Variants in HS3ST4 observed in about 807,000 individuals in gnomAD.
HS3ST4 encodes the protein heparan sulfate-glucosamine 3-sulfotransferase 4, also known as heparan sulfate glucosamine 3-O-sulfotransferase 4.
In HS3ST4, 17 loss-of-function variants were observed where a neutral mutation model predicts 29.2. That is an observed-to-expected ratio of 0.58 (90% confidence interval 0.40 to 0.87). HS3ST4 has a LOEUF of 0.87. Among genes scored for constraint, HS3ST4 ranks in the 40% least tolerant of loss-of-function variants. HS3ST4 has a pLI of 0.00. For synonymous variants in HS3ST4, 314 were observed against 285.7 expected (o/e 1.10, Z -1.00); for missense variants, 627 against 634.5 (o/e 0.99, Z 0.13).
chr16:26,011,009 A>G (rs947719836), intron 1 of HS3ST4, among the ~76,000 whole-genome samples: 1 of 152,192 alleles, frequency 6.6e-6, no homozygotes, highest in African/African-American at 2.4e-5. Flanking sequence ...AGTGCTCCAC[A>G]CAGTGTTCTG....
chr16:25,998,636 T>A (rs1969177687), intron 1 of HS3ST4, among the ~76,000 whole-genome samples: 1 of 152,222 alleles, frequency 6.6e-6, no homozygotes, highest in Admixed American at 6.5e-5. Context: ...TGATGAAGAT[T>A]TTATCTGTGT....
At chr16:25,730,520 T>G (rs1966564197) in intron 1 of HS3ST4, among the ~76,000 whole-genome samples, 1 of 146,362 alleles carries the variant, frequency 6.8e-6, no homozygotes, top group Non-Finnish European at 1.5e-5. Flanking sequence ...CTTCCCTCCC[T>G]CTGTCCTTCT....
chr16:25,988,652 G>A (rs901566508), intron 1 of HS3ST4, among the ~76,000 whole-genome samples: 3 of 152,130 alleles, frequency 2.0e-5, no homozygotes, highest in Admixed American at 6.5e-5. Context: ...ATGAGTGGGA[G>A]CTAAATGATG....
intron 1 of HS3ST4, among the ~76,000 whole-genome samples, chr16:25,704,981 C>T (rs1013906000): frequency 2.0e-5 from 3 of 152,074 alleles, no homozygotes; most frequent in Non-Finnish European, 4.4e-5. Context: ...TGAGGCTTGC[C>T]GAGGTGCTGG....
intron 1 of HS3ST4, among the ~76,000 whole-genome samples, chr16:25,708,153 A>C (rs571638459): frequency 2.0e-5 from 3 of 152,196 alleles, no homozygotes; most frequent in Non-Finnish European, 4.4e-5. Flanking sequence ...ACACTCAGCT[A>C]TCCCTGCTAT....
Position 26,071,316 on chromosome 16 carries a change from G to C in HS3ST4, c.735-64296G>C, listed in dbSNP as rs373245109. 1.1e-4 allele frequency among the ~76,000 whole-genome samples: 17 copies of C among 152,240 alleles called. No homozygotes were observed. The East Asian group carries it at 2.7e-3, about 24-fold the overall frequency. ...GATGGGGAAGCGGCTGTAGAAATTA[G>C]GAGTCCGTGGGTGCGGGGTTGTGGT... On this transcript the variant is annotated intron_variant, in intron 1 of 1. Coordinates refer to ENST00000331351, the MANE Select transcript of HS3ST4 (RefSeq NM_006040.3).
At chr16:25,844,164 G>A (rs1355262355) in intron 1 of HS3ST4, among the ~76,000 whole-genome samples, 1 of 152,110 alleles carries the variant, frequency 6.6e-6, no homozygotes, top group Non-Finnish European at 1.5e-5. Flanking sequence ...AAACCGTGTT[G>A]TCCCCTCCCT....
At chr16:26,129,680 AGT>A (rs2141815214) in intron 1 of HS3ST4, among the ~76,000 whole-genome samples, 1 of 152,346 alleles carries the variant, frequency 6.6e-6, no homozygotes, top group African/African-American at 2.4e-5. Flanking sequence ...ACTTAAGTTA[AGT>A]AATTTGCCAA....
intron 1 of HS3ST4, among the ~76,000 whole-genome samples, chr16:26,125,253 T>C (rs1899326259): frequency 6.6e-6 from 1 of 152,216 alleles, no homozygotes; most frequent in Non-Finnish European, 1.5e-5. Flanking sequence ...CACGGACCAG[T>C]TTTGTGGAAG....
At chr16:26,080,343 A>G (rs1305691300) in intron 1 of HS3ST4, among the ~76,000 whole-genome samples, 2 of 152,148 alleles carry the variant, frequency 1.3e-5, no homozygotes, top group South Asian at 2.1e-4. Flanking sequence ...CCATTTGTGG[A>G]ATGAACAAAT....
At chr16:25,763,960 A>G (rs1966803694) in intron 1 of HS3ST4, among the ~76,000 whole-genome samples, 1 of 152,224 alleles carries the variant, frequency 6.6e-6, no homozygotes, top group Admixed American at 6.5e-5. Context: ...TGTGGCCTGC[A>G]CTGAATTAGG....
chr16:25,724,066 G>A (rs4411501), intron 1 of HS3ST4, among the ~76,000 whole-genome samples: 131,820 of 147,870 alleles, frequency 0.89, 58,900 homozygotes, highest in Middle Eastern at 0.93. Flanking sequence ...GAGAGCCGAG[G>A]TCGTGCCATT....
intron 1 of HS3ST4, among the ~76,000 whole-genome samples, chr16:26,057,650 A>G (rs560802717): frequency 5.7e-4 from 87 of 152,328 alleles, no homozygotes; most frequent in African/African-American, 2.1e-3. Flanking sequence ...CTACTCAGGC[A>G]GGAGAATTGC....
At chr16:25,749,364 A>G (rs747058889) in intron 1 of HS3ST4, among the ~76,000 whole-genome samples, 18 of 152,024 alleles carry the variant, frequency 1.2e-4, no homozygotes, top group Non-Finnish European at 2.4e-4. Context: ...GCGTGGTGAC[A>G]TGCACCTGTA....
chr16:26,111,389 GT>G (rs1410843252), intron 1 of HS3ST4, among the ~76,000 whole-genome samples: 2 of 64,712 alleles, frequency 3.1e-5, no homozygotes, highest in Non-Finnish European at 7.6e-5. Flanking sequence ...CCAGAAGGAG[GT>G]CTTTTTTTTT....
intron 1 of HS3ST4, among the ~76,000 whole-genome samples, chr16:26,012,311 A>G (rs1969318203): frequency 6.6e-6 from 1 of 152,246 alleles, no homozygotes; most frequent in Non-Finnish European, 1.5e-5. Flanking sequence ...AATAATATCA[A>G]AAAGAAAGGG....
Position 25,759,426 on chromosome 16 carries a change from C to T in HS3ST4, c.734+66275C>T, listed in dbSNP as rs191511479. Among the ~76,000 whole-genome samples the T allele has an allele frequency of 3.0e-3, 451 of 152,296 alleles. 2 individuals carry two copies. Among genetic ancestry groups the T allele is most frequent in the African/African-American group, 8.7e-3 (363 of 41,570 alleles). ...CAGCGTTTCTGCCTTGAGTAGCTTGCAGTCTAGTGGTGCAAACTTGAAATG... is the reference window on the plus strand; with the variant it reads ...CAGCGTTTCTGCCTTGAGTAGCTTGTAGTCTAGTGGTGCAAACTTGAAATG... On this transcript the variant is annotated intron_variant, in intron 1 of 1. Transcript: ENST00000331351.
intron 1 of HS3ST4, among the ~76,000 whole-genome samples, chr16:25,760,241 G>A (rs916131095): frequency 1.3e-5 from 2 of 152,068 alleles, no homozygotes; most frequent in African/African-American, 4.8e-5. Flanking sequence ...TCCAGAGGAT[G>A]GAAGCTCAAG....
chr16:26,028,059 G>A (rs1969493000), intron 1 of HS3ST4, among the ~76,000 whole-genome samples: 1 of 152,088 alleles, frequency 6.6e-6, no homozygotes, highest in Non-Finnish European at 1.5e-5. Flanking sequence ...GATCACCTGA[G>A]GTCAGGAGTT....
Sources: allele counts gnomAD v4.1 joint callset (sites outside exome capture counted in the v4.1 genomes callset), GRCh38; gene constraint gnomAD v4.1.1; transcripts MANE v1.5; gene names NCBI Gene and HGNC (gene_info 2026-07-23, HGNC 2026-07-21).